SORCS2: variants seen among roughly 807,000 people sequenced by gnomAD.
The protein encoded by SORCS2 is sortilin related VPS10 domain containing receptor 2, also known as VPS10 domain-containing receptor SorCS2.
In SORCS2, 100 loss-of-function variants were observed where a neutral mutation model predicts 141.6. That is an observed-to-expected ratio of 0.71 (90% CI 0.60 to 0.83). SORCS2 has a LOEUF of 0.83. Among genes scored for constraint, SORCS2 ranks in the 40% least tolerant of loss-of-function variants. The pLI is 0.00. For synonymous variants in SORCS2, 789 were observed against 676.9 expected (o/e 1.17, Z -2.57); for missense variants, 1,646 against 1,560.2 (o/e 1.05, Z -0.93).
At chr4:7,458,014 G>A (rs1729031030) in intron 2 of SORCS2, among the ~76,000 whole-genome samples, 1 of 152,212 alleles carries the variant, frequency 6.6e-6, no homozygotes, top group South Asian at 2.1e-4. Context: ...CTCCTGGGAT[G>A]TCCTGGTTAC....
rs551885314 is a variant in SORCS2 at position 7,738,689 on chromosome 4, C to T, written c.3416-1511C>T. Among the ~76,000 whole-genome samples, 44 of 152,296 alleles carry T rather than the reference C, an allele frequency of 2.9e-4. No homozygotes were observed. The South Asian group carries it at 8.7e-3, about 30-fold the overall frequency. On this transcript the variant is annotated intron_variant, in intron 26 of 26. Coordinates refer to ENST00000507866, the MANE Select transcript of SORCS2 (RefSeq NM_020777.3). The stretch of plus-strand genomic sequence containing the variant: ...CGTCACTCACACTCTGCATCCGGGA[C>T]ATCCTCAGAACGTGAGCGGCGGAAA...
intron 1 of SORCS2, among the ~76,000 whole-genome samples, chr4:7,261,035 G>C (rs79933535): frequency 0.029 from 4,483 of 152,234 alleles, 147 homozygotes; most frequent in African/African-American, 0.084. Flanking sequence ...GATGATGCTT[G>C]GGAAAAGCCA....
intron 1 of SORCS2, among the ~76,000 whole-genome samples, chr4:7,283,904 G>A (rs1716042139): frequency 6.6e-6 from 1 of 152,148 alleles, no homozygotes; most frequent in Non-Finnish European, 1.5e-5. Flanking sequence ...TTGGGCCATA[G>A]GAGCGAGGGA....
chr4:7,325,306 T>G (rs1300225268), intron 1 of SORCS2, among the ~76,000 whole-genome samples: 1 of 152,178 alleles, frequency 6.6e-6, no homozygotes, highest in African/African-American at 2.4e-5. Context: ...TGTCTGCGTC[T>G]GTTAAGTGGG....
At chr4:7,398,427 C>A (rs140738055) in intron 2 of SORCS2, among the ~76,000 whole-genome samples, 298 of 152,310 alleles carry the variant, frequency 2.0e-3, no homozygotes, top group Non-Finnish European at 3.7e-3. Flanking sequence ...TAGAACAGTA[C>A]GTGATCTAAA....
At chr4:7,610,504 G>A (rs192781288) in intron 3 of SORCS2, among the ~76,000 whole-genome samples, 65 of 152,260 alleles carry the variant, frequency 4.3e-4, no homozygotes, top group Admixed American at 4.6e-4. Flanking sequence ...AGTCAACACC[G>A]GGCCGGGGAC....
chr4:7,565,521 T>A (rs1209658993), intron 3 of SORCS2, among the ~76,000 whole-genome samples: 1 of 152,162 alleles, frequency 6.6e-6, no homozygotes. Flanking sequence ...ATGATGATTA[T>A]GATAAAGAAG....
chr4:7,336,334 G>A (rs35290040), intron 1 of SORCS2, among the ~76,000 whole-genome samples: 3,464 of 146,488 alleles, frequency 0.024, 136 homozygotes, highest in Non-Finnish European at 0.037. Flanking sequence ...TCTCCCAGTG[G>A]AGAGCTCTGA....
intron 1 of SORCS2, among the ~76,000 whole-genome samples, chr4:7,202,927 G>A (rs770880173): frequency 5.9e-4 from 89 of 151,644 alleles, no homozygotes; most frequent in Non-Finnish European, 1.1e-3. Context: ...CCCTATCTAC[G>A]TGCCGGATGC....
At chr4:7,266,555 G>C (rs1045707752) in intron 1 of SORCS2, among the ~76,000 whole-genome samples, 5 of 152,132 alleles carry the variant, frequency 3.3e-5, no homozygotes, top group African/African-American at 1.2e-4. Context: ...AGCATCTGGG[G>C]CCCCTGTCTT....
intron 1 of SORCS2, among the ~76,000 whole-genome samples, chr4:7,368,353 G>A (rs1464534125): frequency 1.3e-5 from 2 of 152,236 alleles, no homozygotes; most frequent in African/African-American, 2.4e-5. Context: ...GCTGCCAAGT[G>A]GCATTGGTGA....
At chr4:7,659,190 A>C (rs1721993750) in intron 5 of SORCS2, among the ~76,000 whole-genome samples, 1 of 152,052 alleles carries the variant, frequency 6.6e-6, no homozygotes, top group East Asian at 1.9e-4. Context: ...TTCAGTGGGC[A>C]CATGGAGATG....
At chr4:7,318,831 C>A (rs1327898938) in intron 1 of SORCS2, among the ~76,000 whole-genome samples, 3 of 152,150 alleles carry the variant, frequency 2.0e-5, no homozygotes, top group African/African-American at 4.8e-5. Flanking sequence ...CCATCACCAT[C>A]AAGATATAGA....
chr4:7,683,667 A>C (rs777812557), intron 10 of SORCS2, among the ~76,000 whole-genome samples: 93 of 152,338 alleles, frequency 6.1e-4, no homozygotes, highest in Admixed American at 1.1e-3. Context: ...AGGAGCAGAC[A>C]CTTGCTTCTA....
intron 1 of SORCS2, among the ~76,000 whole-genome samples, chr4:7,337,686 G>T (rs114891979): frequency 0.015 from 2,264 of 152,224 alleles, 83 homozygotes; most frequent in East Asian, 0.13. Flanking sequence ...GGGCAGCATT[G>T]CTCCCTGGCT....
chr4:7,435,399 C>T (rs1470923520), intron 2 of SORCS2, among the ~76,000 whole-genome samples: 1 of 152,244 alleles, frequency 6.6e-6, no homozygotes, highest in Non-Finnish European at 1.5e-5. Context: ...CCCCTGGATG[C>T]CACTGTTTTC....
rs188581776 is a variant in SORCS2 at position 7,238,072 on chromosome 4, C to T, written c.480+44946C>T. On this transcript the variant is annotated intron_variant, in intron 1 of 26. Coordinates refer to ENST00000507866, the MANE Select transcript of SORCS2 (RefSeq NM_020777.3). ...TTCGGAAACAATGTTCTTTCCGATG[C>T]GCTGGCAAGAGGGAGACAGCATTCT... 2.2e-3 allele frequency among the ~76,000 whole-genome samples: 340 copies of T among 152,064 alleles called. 1 individual carries two copies. The highest frequency in any genetic ancestry group is 7.7e-3 in the African/African-American group (321 of 41,458).
intron 2 of SORCS2, among the ~76,000 whole-genome samples, chr4:7,428,445 C>G (rs780502247): frequency 2.6e-5 from 4 of 152,128 alleles, no homozygotes; most frequent in African/African-American, 9.7e-5. Context: ...TCCTGCAGCT[C>G]GCATTCCAAG....
In SORCS2 at chr4:7,436,722, T is replaced by G. The variant is rs543272505; in HGVS notation, c.548+40367T>G. On this transcript the variant is annotated intron_variant, in intron 2 of 26. Transcript: ENST00000507866. ...CACTGGGCCCTGGGTGTGTATTAAT[T>G]AGGTCAGTGCACCATGGTGGATTTG... 1.8e-4 allele frequency among the ~76,000 whole-genome samples: 28 copies of G among 152,322 alleles called. No individual in the cohort carries two copies. In the South Asian group the frequency reaches 5.4e-3, roughly 29 times the overall value.
Sources: gnomAD v4.1 joint callset for allele counts (sites outside exome capture counted in the v4.1 genomes callset) on GRCh38, gnomAD v4.1.1 for gene constraint, MANE v1.5 for transcripts, NCBI Gene and HGNC (gene_info 2026-07-23, HGNC 2026-07-21) for gene names.